The following CTCF variants were observed in gnomAD, a reference collection of about 807,000 sequenced individuals.
CTCF encodes transcriptional repressor CTCF.
CTCF carries 7 observed loss-of-function variants against 72.3 expected under a neutral mutation model. The observed-to-expected ratio is 0.10, with a 90% CI of 0.06 to 0.18. CTCF has a LOEUF of 0.18. Ranked by LOEUF, CTCF falls within the 10% of genes least tolerant of loss-of-function variation. CTCF has a pLI of 1.00. For missense variants in CTCF, 516 were observed against 949.1 expected (o/e 0.54, Z 6.00); for synonymous variants, 374 against 315.8 (o/e 1.18, Z -1.95).
chr16:67,578,039 T>G (rs1439392742), intron 2 of CTCF, among the ~76,000 whole-genome samples: 1 of 152,166 alleles, frequency 6.6e-6, no homozygotes, highest in East Asian at 1.9e-4. Flanking sequence ...AGACTATTAA[T>G]AGTCTGGTGT....
chr16:67,613,680 G>A (rs541393423), intron 4 of CTCF, among the ~76,000 whole-genome samples: 28 of 152,298 alleles, frequency 1.8e-4, no homozygotes, highest in Admixed American at 5.9e-4. Context: ...GGTGGCTGAG[G>A]CAGGAGAATC....
intron 7 of CTCF, chr16:67,623,185 A>G (rs1006663485): frequency 3.3e-5 from 5 of 151,948 alleles, no homozygotes; most frequent in Non-Finnish European, 7.4e-5. Context: ...CGAACTCCTG[A>G]CCTCAAGTGA....
chr16:67,617,027 A>G (rs2052140462), intron 5 of CTCF, 149 bp downstream of exon 5: 3 of 802,486 alleles, frequency 3.7e-6, no homozygotes, highest in East Asian at 2.5e-5. Flanking sequence ...CGCTCCCCCA[A>G]AAAACTTATG....
intron 4 of CTCF, chr16:67,614,877 C>G (rs2052111392): frequency 6.6e-6 from 1 of 152,404 alleles, no homozygotes; most frequent in African/African-American, 2.4e-5. Flanking sequence ...TGGCCCATGC[C>G]TGTAATCCCA....
At chr16:67,567,424 A>G (rs1393132834) in intron 1 of CTCF, among the ~76,000 whole-genome samples, 1 of 152,184 alleles carries the variant, frequency 6.6e-6, no homozygotes, top group African/African-American at 2.4e-5. Flanking sequence ...GTTGGACTAA[A>G]TATGCTAATC....
intron 2 of CTCF, among the ~76,000 whole-genome samples, chr16:67,588,225 A>G (rs1245921089): frequency 2.6e-5 from 4 of 152,216 alleles, no homozygotes. Context: ...CATCTGTCCA[A>G]AATTCATAAA....
At chr16:67,614,591 G>C (rs1288190741) in intron 4 of CTCF, 2 of 151,846 alleles carry the variant, frequency 1.3e-5, no homozygotes, top group African/African-American at 4.8e-5. Flanking sequence ...TGTAATCCCA[G>C]CACTTTGGCA....
intron 2 of CTCF, among the ~76,000 whole-genome samples, chr16:67,573,492 A>T (rs1383662721): frequency 6.6e-6 from 1 of 152,138 alleles, no homozygotes; most frequent in African/African-American, 2.4e-5. Flanking sequence ...ACATTTTTGG[A>T]GCAGAATGAA....
At chr16:67,614,951 A>G (rs921422430) in intron 4 of CTCF, 1 of 151,250 alleles carries the variant, frequency 6.6e-6, no homozygotes, top group African/African-American at 2.4e-5. Context: ...CCTGGCCAAC[A>G]TGGTGAAACC....
At position 67,636,717 on chromosome 16, in the gene CTCF, A is replaced by T; in HGVS notation, c.1865A>T (p.Asn622Ile). 1 of 1,608,350 alleles carries T rather than the reference A, an allele frequency of 6.2e-7. No homozygotes were observed. Among genetic ancestry groups the T allele is most frequent in the Non-Finnish European group, 8.5e-7 (1 of 1,177,204 alleles). The change falls in exon 11 of 12, where the codon AAT becomes ATT. Residue 622 changes from asparagine to isoleucine, a missense_variant. By Grantham distance (149) the Asn-to-Ile change is moderately radical (BLOSUM62 -3). Coordinates refer to ENST00000264010, the MANE Select transcript of CTCF (RefSeq NM_006565.4). ...AATGCTGAACCAGATCTGGACGACAATGAGGATGAGGAGGAGCCTGCCGTA... is the reference window on the plus strand; with the variant it reads ...AATGCTGAACCAGATCTGGACGACATTGAGGATGAGGAGGAGCCTGCCGTA... ...SENAEPDLDD[N>I]EDEEEPAVEI...
chr16:67,635,045 CGGA>C (rs1324481193), intron 10 of CTCF, among the ~76,000 whole-genome samples: 1 of 150,652 alleles, frequency 6.6e-6, no homozygotes, highest in Non-Finnish European at 1.5e-5. Context: ...TTTTTTGAGA[CGGA>C]GTCTTGCTCT....
At chr16:67,606,234 A>T (rs2051971181) in intron 2 of CTCF, among the ~76,000 whole-genome samples, 1 of 152,086 alleles carries the variant, frequency 6.6e-6, no homozygotes, top group African/African-American at 2.4e-5. Flanking sequence ...ACATGTATTT[A>T]TTGTACCCAG....
intron 10 of CTCF, 28 bp from the exon 11 acceptor site, chr16:67,636,662 C>G (rs987849434): frequency 9.6e-6 from 15 of 1,563,236 alleles, no homozygotes; most frequent in African/African-American, 9.6e-5. Context: ...CTTGCCCCAC[C>G]ACCTGTGCTT....
intron 7 of CTCF, among the ~76,000 whole-genome samples, chr16:67,622,148 C>T (rs1357485734): frequency 1.3e-5 from 2 of 151,940 alleles, no homozygotes; most frequent in Non-Finnish European, 2.9e-5. Context: ...CGAGGTCAGG[C>T]GATCGAGACC....
chr16:67,592,062 A>C (rs1003323660), intron 2 of CTCF, among the ~76,000 whole-genome samples: 3 of 151,996 alleles, frequency 2.0e-5, no homozygotes, highest in Admixed American at 6.6e-5. Context: ...ATGTCATTTA[A>C]CATTCTGTAT....
intron 1 of CTCF, among the ~76,000 whole-genome samples, chr16:67,565,111 C>T (rs1279774463): frequency 6.6e-6 from 1 of 151,880 alleles, no homozygotes; most frequent in East Asian, 1.9e-4. Flanking sequence ...AAGCAATTCT[C>T]CTGTCTCTGC....
intron 2 of CTCF, among the ~76,000 whole-genome samples, chr16:67,590,130 A>T (rs1440622394): frequency 2.0e-4 from 30 of 149,082 alleles, no homozygotes; most frequent in Admixed American, 1.6e-3. Flanking sequence ...TTTTTTTTTT[A>T]AAGAAGAGAG....
At chr16:67,564,499 C>G (rs2051318300) in intron 1 of CTCF, among the ~76,000 whole-genome samples, 1 of 152,194 alleles carries the variant, frequency 6.6e-6, no homozygotes, top group African/African-American at 2.4e-5. Context: ...AATATTCCTG[C>G]CACCCCTCTT....
intron 1 of CTCF, among the ~76,000 whole-genome samples, chr16:67,570,438 G>T (rs2051400572): frequency 6.7e-6 from 1 of 149,066 alleles, no homozygotes; most frequent in Non-Finnish European, 1.5e-5. Context: ...CAATATTGCA[G>T]TGGAGTGTTT....
Sources: gnomAD v4.1 joint callset for allele counts (sites outside exome capture counted in the v4.1 genomes callset) on GRCh38, gnomAD v4.1.1 for gene constraint, MANE v1.5 for transcripts, NCBI Gene and HGNC (gene_info 2026-07-23, HGNC 2026-07-21) for gene names.